Variants in ROBO2 observed in about 807,000 individuals in gnomAD.
ROBO2 encodes roundabout guidance receptor 2.
A neutral mutation model predicts 160.8 loss-of-function variants in ROBO2; 53 were observed. The observed-to-expected ratio is 0.33, with a 90% CI of 0.26 to 0.41. The LOEUF (loss-of-function observed/expected upper bound fraction) is 0.41, where lower values mean the gene tolerates loss of function less well. Among genes scored for constraint, ROBO2 ranks in the 10% least tolerant of loss-of-function variants. ROBO2 has a pLI of 1.00. For synonymous variants in ROBO2, 664 were observed against 611.7 expected (o/e 1.09, Z -1.26); for missense variants, 1,577 against 1,722.4 (o/e 0.92, Z 1.49).
At chr3:76,054,928 T>C (rs528950715) in intron 2 of ROBO2, among the ~76,000 whole-genome samples, 13 of 152,228 alleles carry the variant, frequency 8.5e-5, no homozygotes, top group African/African-American at 3.1e-4. Context: ...TATCCTTAAG[T>C]TGATTGATTA....
intron 2 of ROBO2, among the ~76,000 whole-genome samples, chr3:76,542,294 A>T (rs537460815): frequency 6.6e-6 from 1 of 152,226 alleles, no homozygotes; most frequent in Admixed American, 6.5e-5. Flanking sequence ...AGTGATCAGC[A>T]CTTATTTCTA....
intron 2 of ROBO2, among the ~76,000 whole-genome samples, chr3:77,272,449 A>G: frequency 6.6e-6 from 1 of 151,972 alleles, no homozygotes; most frequent in East Asian, 1.9e-4. Flanking sequence ...TTAACCAACC[A>G]GATTTCATGA....
intron 2 of ROBO2, among the ~76,000 whole-genome samples, chr3:77,308,144 ATC>A (rs2063251114): frequency 2.6e-5 from 4 of 151,594 alleles, no homozygotes; most frequent in African/African-American, 9.7e-5. Context: ...TACAAATTAA[ATC>A]TGCATATAAG....
At chr3:76,899,062 G>A (rs1391381338) in intron 2 of ROBO2, among the ~76,000 whole-genome samples, 3 of 152,080 alleles carry the variant, frequency 2.0e-5, no homozygotes, top group East Asian at 3.9e-4. Context: ...CACCAGTACC[G>A]GATGTAGAAT....
intron 2 of ROBO2, among the ~76,000 whole-genome samples, chr3:76,547,792 A>G (rs1178552405): frequency 6.6e-6 from 1 of 152,046 alleles, no homozygotes; most frequent in East Asian, 1.9e-4. Context: ...AAATCACGTT[A>G]CTCATCTGAC....
At chr3:76,987,865 A>T (rs911526144) in intron 2 of ROBO2, among the ~76,000 whole-genome samples, 1 of 152,092 alleles carries the variant, frequency 6.6e-6, no homozygotes, top group South Asian at 2.1e-4. Flanking sequence ...ACACCTAAAA[A>T]TGAAGTGTAT....
intron 2 of ROBO2, among the ~76,000 whole-genome samples, chr3:76,467,590 G>A (rs2078430205): frequency 6.6e-6 from 1 of 152,092 alleles, no homozygotes; most frequent in Non-Finnish European, 1.5e-5. Context: ...TTAACAGCCA[G>A]CTGTCCATTC....
At chr3:77,499,645 C>T (rs1228579729) in intron 5 of ROBO2, among the ~76,000 whole-genome samples, 1 of 148,350 alleles carries the variant, frequency 6.7e-6, no homozygotes, top group Non-Finnish European at 1.5e-5. Context: ...ATAAGTATCA[C>T]TTACGCTTTT....
intron 2 of ROBO2, among the ~76,000 whole-genome samples, chr3:77,228,060 TATAATTGATCAAGCATACACTAAGATGC>T (rs1480749157): frequency 9.8e-5 from 15 of 152,340 alleles, no homozygotes; most frequent in African/African-American, 3.6e-4. Context: ...CAGAGACTGA[TATAATTGATCAAGCATACACTAAGATGC>T]TTCTTTAGAG....
intron 2 of ROBO2, among the ~76,000 whole-genome samples, chr3:76,899,909 A>G (rs2075097848): frequency 6.6e-6 from 1 of 152,146 alleles, no homozygotes; most frequent in South Asian, 2.1e-4. Flanking sequence ...AGCAATATTA[A>G]AGGGGAGTAA....
At chr3:77,435,667 T>C (rs1259676282) in intron 2 of ROBO2, among the ~76,000 whole-genome samples, 4 of 151,814 alleles carry the variant, frequency 2.6e-5, no homozygotes, top group African/African-American at 9.7e-5. Flanking sequence ...CCAGTCTCAA[T>C]ACCAAAGGAA....
chr3:76,037,484 T>G (rs1330934258), intron 2 of ROBO2, among the ~76,000 whole-genome samples: 2 of 151,858 alleles, frequency 1.3e-5, no homozygotes, highest in Non-Finnish European at 2.9e-5. Flanking sequence ...CTCGAACTCC[T>G]GACCTCGTGA....
chr3:76,638,255 A>C (rs1268884792), intron 2 of ROBO2, among the ~76,000 whole-genome samples: 1 of 152,230 alleles, frequency 6.6e-6, no homozygotes, highest in African/African-American at 2.4e-5. Flanking sequence ...TGAAAGAGAC[A>C]GTCCTATCAT....
At chr3:76,272,466 CA>C (rs1707494183) in intron 2 of ROBO2, among the ~76,000 whole-genome samples, 2 of 151,384 alleles carry the variant, frequency 1.3e-5, no homozygotes, top group Admixed American at 1.3e-4. Flanking sequence ...AGGTCGAGAC[CA>C]GCCTGGCTAA....
chr3:76,021,541 G>T (rs2066574613), intron 2 of ROBO2, among the ~76,000 whole-genome samples: 1 of 151,722 alleles, frequency 6.6e-6, no homozygotes, highest in Non-Finnish European at 1.5e-5. Flanking sequence ...TGGAGATATT[G>T]CAGATTCAGT....
intron 2 of ROBO2, among the ~76,000 whole-genome samples, chr3:76,836,636 A>G (rs1240816917): frequency 6.6e-6 from 1 of 151,708 alleles, no homozygotes; most frequent in Non-Finnish European, 1.5e-5. Flanking sequence ...TATTTGACCC[A>G]TGGATTTTTT....
At chr3:77,261,602 A>G (rs1290041651) in intron 2 of ROBO2, among the ~76,000 whole-genome samples, 1 of 152,160 alleles carries the variant, frequency 6.6e-6, no homozygotes, top group Non-Finnish European at 1.5e-5. Context: ...ATAAATCAGC[A>G]GTGAAATACT....
rs144541119 is a variant in ROBO2 at position 75,940,416 on chromosome 3, A to G, written c.109+2814A>G. 3.0e-3 allele frequency among the ~76,000 whole-genome samples: 454 copies of G among 152,246 alleles called. 3 individuals carry two copies. Among genetic ancestry groups the G allele is most frequent in the Non-Finnish European group, 5.3e-3 (363 of 68,018 alleles). On this transcript the variant is annotated intron_variant, in intron 2 of 26. Transcript: ENST00000487694. ...TGAATGGTGGGTTGGAAGTAAGTCA[A>G]TGATCCTTGTCAATTTTTTGTATCT...
chr3:76,024,064 A>G (rs1430708591), intron 2 of ROBO2, among the ~76,000 whole-genome samples: 1 of 151,454 alleles, frequency 6.6e-6, no homozygotes, highest in East Asian at 1.9e-4. Flanking sequence ...CATTAGTTAT[A>G]TATATATTAT....
Sources: allele counts gnomAD v4.1 joint callset (sites outside exome capture counted in the v4.1 genomes callset), GRCh38; gene constraint gnomAD v4.1.1; transcripts MANE v1.5; gene names NCBI Gene and HGNC (gene_info 2026-07-23, HGNC 2026-07-21).